The following CPQ variants were observed in gnomAD, a reference collection of about 807,000 sequenced individuals.
CPQ encodes the protein Ser-Met dipeptidase.
CPQ carries 37 observed loss-of-function variants against 45.7 expected under a neutral mutation model. That is an observed-to-expected ratio of 0.81 (90% confidence interval 0.62 to 1.07). The LOEUF (loss-of-function observed/expected upper bound fraction) is 1.07. Among genes scored for constraint, CPQ ranks in the 50% least tolerant of loss-of-function variants. The pLI is 0.00. For missense variants in CPQ, 537 were observed against 572.9 expected (o/e 0.94, Z 0.64); for synonymous variants, 186 against 205.8 (o/e 0.90, Z 0.82).
intron 4 of CPQ, among the ~76,000 whole-genome samples, chr8:96,933,204 G>A (rs1001490103): frequency 6.6e-6 from 1 of 152,126 alleles, no homozygotes; most frequent in Non-Finnish European, 1.5e-5. Context: ...CTTCAATTTG[G>A]CTTTCAGTAG....
intron 5 of CPQ, among the ~76,000 whole-genome samples, chr8:96,983,382 A>G (rs1360020302): frequency 1.3e-5 from 2 of 152,196 alleles, no homozygotes; most frequent in Non-Finnish European, 2.9e-5. Flanking sequence ...AGTTTCCAAA[A>G]TAGAGAGTTA....
At chr8:97,140,591 A>T (rs1219988409) in intron 7 of CPQ, among the ~76,000 whole-genome samples, 5 of 152,084 alleles carry the variant, frequency 3.3e-5, no homozygotes, top group Admixed American at 1.3e-4. Flanking sequence ...CACCATTTTC[A>T]TGGATAAGAA....
chr8:96,880,526 T>TGGTC (rs1812207916), intron 4 of CPQ, among the ~76,000 whole-genome samples: 1 of 2,950 alleles, frequency 3.4e-4, no homozygotes, highest in Non-Finnish European at 6.2e-4. Flanking sequence ...GTCATATATA[T>TGGTC]ATATATATAT....
At chr8:96,793,960 C>A (rs1277211143) in intron 2 of CPQ, among the ~76,000 whole-genome samples, 2 of 152,164 alleles carry the variant, frequency 1.3e-5, no homozygotes, top group Non-Finnish European at 2.9e-5. Context: ...CGGTCTTGGG[C>A]AGCTCCATCC....
At chr8:97,093,666 G>A (rs1260699094) in intron 7 of CPQ, among the ~76,000 whole-genome samples, 2 of 152,150 alleles carry the variant, frequency 1.3e-5, no homozygotes, top group African/African-American at 2.4e-5. Context: ...CTAGACAGTG[G>A]AGATTCACTC....
At chr8:97,119,054 C>T (rs574594908) in intron 7 of CPQ, among the ~76,000 whole-genome samples, 9 of 152,134 alleles carry the variant, frequency 5.9e-5, no homozygotes, top group Non-Finnish European at 7.4e-5. Context: ...CAGGACCAGG[C>T]GTGGTGGCTC....
chr8:96,975,015 C>G (rs576731854), intron 5 of CPQ, among the ~76,000 whole-genome samples: 26 of 151,472 alleles, frequency 1.7e-4, no homozygotes, highest in African/African-American at 6.1e-4. Context: ...AAGATCAGAG[C>G]AGAACTAAAT....
At chr8:97,106,509 C>T (rs896165048) in intron 7 of CPQ, among the ~76,000 whole-genome samples, 1 of 152,242 alleles carries the variant, frequency 6.6e-6, no homozygotes, top group Non-Finnish European at 1.5e-5. Flanking sequence ...GCGTCTAGAG[C>T]TGCTCCTTGG....
chr8:96,850,344 C>T (rs1811753706), intron 3 of CPQ, among the ~76,000 whole-genome samples: 1 of 152,054 alleles, frequency 6.6e-6, no homozygotes, highest in East Asian at 1.9e-4. Flanking sequence ...TTTTTAATCT[C>T]CAGGGAGGCA....
At chr8:96,714,656 T>G (rs180980407) in intron 1 of CPQ, among the ~76,000 whole-genome samples, 36 of 152,178 alleles carry the variant, frequency 2.4e-4, no homozygotes, top group Non-Finnish European at 5.1e-4. Flanking sequence ...GATTACTTCT[T>G]GGTTTGGATT....
At chr8:96,942,411 A>G (rs759107397) in intron 4 of CPQ, among the ~76,000 whole-genome samples, 3 of 152,142 alleles carry the variant, frequency 2.0e-5, no homozygotes, top group Non-Finnish European at 4.4e-5. Flanking sequence ...AGCTCTGCCC[A>G]GTTGCCTTCT....
rs1039925526 is a variant in CPQ at position 97,009,777 on chromosome 8, A to G, written c.962-19626A>G. Among the ~76,000 whole-genome samples, 23 of 152,080 alleles carry G rather than the reference A, an allele frequency of 1.5e-4. 1 individual carries two copies. Among genetic ancestry groups the G allele is most frequent in the Admixed American group, 2.6e-4 (4 of 15,274 alleles). ...ACGAGTGGTAAGTTAGAAGGTGACAATTTTATCCGAGGTCTGTGCATAGGG... is the reference window on the plus strand; with the variant it reads ...ACGAGTGGTAAGTTAGAAGGTGACAGTTTTATCCGAGGTCTGTGCATAGGG... On this transcript the variant is annotated intron_variant, in intron 5 of 7. Coordinates refer to ENST00000220763, the MANE Select transcript of CPQ (RefSeq NM_016134.4).
rs760965380 is a variant in CPQ, at chr8:96,938,918, G to A, written c.850-27017G>A. ...CAGAAATGAGATTGTGCTGTAGTACGATTCTGGGACTTTTTGTTAACACAA... is the reference window on the plus strand; with the variant it reads ...CAGAAATGAGATTGTGCTGTAGTACAATTCTGGGACTTTTTGTTAACACAA... On this transcript the variant is annotated intron_variant, in intron 4 of 7. Transcript: ENST00000220763. Among the ~76,000 whole-genome samples, 48 of 152,136 alleles carry A rather than the reference G, an allele frequency of 3.2e-4. 1 individual carries two copies. Among genetic ancestry groups the A allele is most frequent in the Non-Finnish European group, 5.9e-5 (4 of 68,012 alleles).
chr8:97,084,392 T>C (rs1188163864), intron 7 of CPQ, among the ~76,000 whole-genome samples: 1 of 152,174 alleles, frequency 6.6e-6, no homozygotes, highest in Non-Finnish European at 1.5e-5. Flanking sequence ...CTCCCCCATC[T>C]TTTTCTTGAG....
chr8:97,107,624 T>C (rs1327750355), intron 7 of CPQ, among the ~76,000 whole-genome samples: 1 of 151,354 alleles, frequency 6.6e-6, no homozygotes, highest in Non-Finnish European at 1.5e-5. Context: ...ATGATCTAGA[T>C]GGCAGGAAGC....
chr8:96,935,155 T>C (rs548539669), intron 4 of CPQ, among the ~76,000 whole-genome samples: 1 of 152,296 alleles, frequency 6.6e-6, no homozygotes, highest in East Asian at 1.9e-4. Context: ...CTTTTCTCAG[T>C]GTGGCTTCAT....
intron 2 of CPQ, among the ~76,000 whole-genome samples, chr8:96,786,740 T>C (rs1039567281): frequency 2.6e-5 from 4 of 152,166 alleles, no homozygotes; most frequent in East Asian, 1.9e-4. Flanking sequence ...TGGTATCTCA[T>C]TGTGGTTTTG....
At chr8:97,025,920 G>C (rs1809792120) in intron 5 of CPQ, among the ~76,000 whole-genome samples, 1 of 152,132 alleles carries the variant, frequency 6.6e-6, no homozygotes, top group Non-Finnish European at 1.5e-5. Context: ...TAAACATTCT[G>C]ATTGGCCCTC....
intron 6 of CPQ, among the ~76,000 whole-genome samples, chr8:97,055,092 G>T (rs1810429881): frequency 6.6e-6 from 1 of 152,130 alleles, no homozygotes; most frequent in African/African-American, 2.4e-5. Context: ...TTTCAATGCT[G>T]TGATTGTTGG....
Sources: gnomAD v4.1 joint callset for allele counts (sites outside exome capture counted in the v4.1 genomes callset) on GRCh38, gnomAD v4.1.1 for gene constraint, MANE v1.5 for transcripts, NCBI Gene and HGNC (gene_info 2026-07-23, HGNC 2026-07-21) for gene names.